Variants in ANKRD31 observed in about 807,000 individuals in gnomAD.
ANKRD31 encodes ankyrin repeat domain-containing protein 31.
In ANKRD31, 147 loss-of-function variants were observed where a neutral mutation model predicts 186.0. The ratio of observed to expected loss-of-function variants is 0.79; its 90% CI spans 0.69 to 0.91. ANKRD31 has a LOEUF of 0.91. Among genes scored for constraint, ANKRD31 ranks in the 40% least tolerant of loss-of-function variants. ANKRD31 has a pLI of 0.00. For synonymous variants in ANKRD31, 673 were observed against 736.4 expected (o/e 0.91, Z 1.39); for missense variants, 1,986 against 2,148.8 (o/e 0.92, Z 1.50).
At chr5:75,203,847 T>C (rs1052104803) in intron 5 of ANKRD31, among the ~76,000 whole-genome samples, 4 of 152,194 alleles carry the variant, frequency 2.6e-5, no homozygotes, top group Non-Finnish European at 5.9e-5. Flanking sequence ...AACATGACTC[T>C]TTTTGTTTAA....
rs532616902 is a variant in ANKRD31 at position 75,104,906 on chromosome 5, G to A, written c.4653C>T (p.Tyr1551=). Residue 1551 remains tyrosine, a synonymous_variant, in exon 22 of 26, where the codon TAC becomes TAT. Transcript: ENST00000506364. ...ETQLSLETWN[Y]SQNTNICLNS... is the part of the protein sequence containing the mutation. ...TTAGACAAATGTTGGTATTTTGGCT[G>A]TAGTTCCAAGTTTCCAGAGACAATT... 1.3e-6 allele frequency: 2 copies of A among 1,537,174 alleles called. No individual in the cohort carries two copies. Among genetic ancestry groups the A allele is most frequent in the African/African-American group, 2.7e-5 (2 of 73,152 alleles).
chr5:75,154,121 T>G, intron 12 of ANKRD31, 80 bp downstream of exon 12: 1 of 1,258,358 alleles, frequency 7.9e-7, no homozygotes, highest in South Asian at 2.5e-5. Context: ...AAAAATAAAT[T>G]TAATTTCTTT....
chr5:75,107,419 G>T, intron 21 of ANKRD31, 102 bp downstream of exon 21: 1 of 738,594 alleles, frequency 1.4e-6, no homozygotes, highest in Non-Finnish European at 2.2e-6. Context: ...TTGGCCCCAA[G>T]CAGTGTTTGT....
In ANKRD31 at chr5:75,104,454, CT is replaced by C. The variant is rs1290098477; in HGVS notation, c.5104del (p.Ser1702ValfsTer7). 2 of 1,537,244 alleles carry C rather than the reference CT, an allele frequency of 1.3e-6. No homozygotes were observed. Among genetic ancestry groups the C allele is most frequent in the Admixed American group, 3.9e-5 (2 of 51,000 alleles). On this transcript the variant is annotated frameshift_variant, in exon 22 of 26. Transcript: ENST00000506364. LOFTEE classifies it high-confidence loss of function. Reference sequence around the variant, plus strand: ...TGGTTTCATCTGATGCACTGTATCACTGCCTAAGACAGCAATCCCTTGATGT... The same window carrying C: ...TGGTTTCATCTGATGCACTGTATCACGCCTAAGACAGCAATCCCTTGATGT... ...LAHQGIAVLG[S>X]DTVHQMKPYL... is the part of the protein sequence containing the mutation.
rs1210769706 is a variant in ANKRD31, at chr5:75,147,279, T to C, written c.2132A>G (p.Lys711Arg). 34 of 1,535,896 alleles carry C rather than the reference T, an allele frequency of 2.2e-5. No homozygotes were observed. The highest frequency in any genetic ancestry group is 5.5e-5 in the African/African-American group (4 of 72,944). The change falls in exon 14 of 26, where the codon AAG becomes AGG. Residue 711 changes from lysine (K) to arginine (R), a missense_variant. Lys to Arg is a conservative substitution (Grantham distance 26). Coordinates refer to ENST00000506364, the MANE Select transcript of ANKRD31 (RefSeq NM_001372053.1). ...LDQIYSTGLR[K>R]GNLHNVKDPN... Reference sequence around the variant, plus strand: ...ATCTTTGACGTTATGGAGATTGCCCTTTCTGAGTCCTGTAGAGTATATCTG... The same window carrying C: ...ATCTTTGACGTTATGGAGATTGCCCCTTCTGAGTCCTGTAGAGTATATCTG...
chr5:75,087,485 C>A (rs1580297207), intron 23 of ANKRD31, among the ~76,000 whole-genome samples: 2 of 150,134 alleles, frequency 1.3e-5, no homozygotes, highest in African/African-American at 4.9e-5. Flanking sequence ...CCGGCCTGGG[C>A]AAGACAGCGA....
At chr5:75,112,694 G>T in intron 19 of ANKRD31, 94 bp from the exon 20 acceptor site, 1 of 750,722 alleles carries the variant, frequency 1.3e-6, no homozygotes, top group Non-Finnish European at 2.0e-6. Flanking sequence ...AAATACTAAA[G>T]AAAGTGTTCC....
In ANKRD31 at chr5:75,188,628, T is replaced by C. The variant is rs753388092; in HGVS notation, c.1429A>G (p.Ile477Val). Residue 477 changes from isoleucine (I) to valine (V), a missense_variant, in exon 10 of 26, where the codon ATA becomes GTA. By Grantham distance (29) the Ile-to-Val change is conservative. Coordinates refer to ENST00000506364, the MANE Select transcript of ANKRD31 (RefSeq NM_001372053.1). ...CTCCGGTTAATGCTATGAAGAGATA[T>C]TTTGTTCACCTTCATTTTTTCTGAA... ...GKKEKMKVNK[I>V]SLHSINRRNI... The C allele has an allele frequency of 9.8e-6, 15 of 1,529,864 alleles. No homozygotes were observed. In the South Asian group the frequency reaches 1.7e-4, roughly 17 times the overall value. The allele number at this position is 1,529,864 out of a possible 1,614,324, so 94.8% of individuals were successfully genotyped here.
intron 22 of ANKRD31, among the ~76,000 whole-genome samples, chr5:75,101,818 G>T (rs1466005932): frequency 6.6e-6 from 1 of 152,120 alleles, no homozygotes; most frequent in Non-Finnish European, 1.5e-5. Context: ...ATTCTAGTTA[G>T]CCATTTGTCT....
Position 75,195,729 on chromosome 5 carries a change from T to G in ANKRD31, c.919A>C (p.Arg307=). The G allele has an allele frequency of 6.5e-7, 1 of 1,537,596 alleles. No homozygotes were observed. The highest frequency in any genetic ancestry group is 1.2e-5 in the South Asian group (1 of 84,048). Residue 307 remains arginine (R), a synonymous_variant, in exon 7 of 26, where the codon AGA becomes CGA. Transcript: ENST00000506364. ...ATGAGACTGCTACCTCCCTCTTTTC[T>G]GTGACAGATGGTTTCCACCTTGGCT... is the stretch of plus-strand genomic sequence containing the variant. ...SEAKVETICH[R]KEGGSSLIAR...
At chr5:75,134,344 T>C (rs9996348) in intron 17 of ANKRD31, among the ~76,000 whole-genome samples, 50 of 152,052 alleles carry the variant, frequency 3.3e-4, no homozygotes, top group African/African-American at 1.2e-3. Flanking sequence ...CACCACCGAT[T>C]CCACAGAAAT....
chr5:75,124,761 C>G (rs576082222), intron 17 of ANKRD31, among the ~76,000 whole-genome samples: 1 of 150,050 alleles, frequency 6.7e-6, no homozygotes, highest in Admixed American at 6.6e-5. Context: ...AAGTAAGAGC[C>G]AAATAATGTG....
At chr5:75,083,457 G>A (rs1315466322) in intron 24 of ANKRD31, among the ~76,000 whole-genome samples, 2 of 152,148 alleles carry the variant, frequency 1.3e-5, no homozygotes, top group African/African-American at 4.8e-5. Context: ...GGCCAGGCAT[G>A]GTGGCTCACA....
rs961098 is a variant in ANKRD31 at position 75,104,561 on chromosome 5, G to A, written c.4998C>T (p.Asp1666=). 1 of 1,536,442 alleles carries A rather than the reference G, an allele frequency of 6.5e-7. No homozygotes were observed. Among genetic ancestry groups the A allele is most frequent in the East Asian group, 2.4e-5 (1 of 40,886 alleles). The part of the protein sequence containing the change: ...AHPSNIICDQ[D]LSNYDPKRGN... ...CTCTTTTGGGATCATAATTGGAAAG[G>A]TCCTGATCACAAATAATATTTGATG... Residue 1666 remains aspartate (D), a synonymous_variant, in exon 22 of 26, where the codon GAC becomes GAT. Coordinates refer to ENST00000506364, the MANE Select transcript of ANKRD31 (RefSeq NM_001372053.1).
intron 2 of ANKRD31, among the ~76,000 whole-genome samples, chr5:75,224,133 A>ATATATATATATATATATATATATATG (rs1561549932): frequency 3.3e-4 from 18 of 53,774 alleles, no homozygotes; most frequent in Non-Finnish European, 3.8e-4. Flanking sequence ...AAATAATTAT[A>ATATATATATATATATATATATATATG]TATATATATA....
At chr5:75,099,811 CTCT>C (rs1158364465) in intron 22 of ANKRD31, among the ~76,000 whole-genome samples, 1 of 151,382 alleles carries the variant, frequency 6.6e-6, no homozygotes, top group African/African-American at 2.4e-5. Flanking sequence ...GTCTATTTGA[CTCT>C]TCTTTTTTAT....
At chr5:75,214,741 T>G (rs1756862381) in intron 3 of ANKRD31, among the ~76,000 whole-genome samples, 1 of 152,174 alleles carries the variant, frequency 6.6e-6, no homozygotes, top group African/African-American at 2.4e-5. Context: ...AAAGTGAGAT[T>G]CAAGTTGTAT....
At chr5:75,118,678 G>T (rs1214330309) in intron 17 of ANKRD31, among the ~76,000 whole-genome samples, 1 of 152,092 alleles carries the variant, frequency 6.6e-6, no homozygotes, top group Non-Finnish European at 1.5e-5. Flanking sequence ...TTTGAAATGT[G>T]GCTAATGTGA....
intron 3 of ANKRD31, among the ~76,000 whole-genome samples, chr5:75,213,421 A>G (rs534205729): frequency 6.6e-6 from 1 of 152,280 alleles, no homozygotes; most frequent in East Asian, 1.9e-4. Context: ...AGGTAAATGC[A>G]AAAGGTAAGA....
Sources: allele counts gnomAD v4.1 joint callset (sites outside exome capture counted in the v4.1 genomes callset), GRCh38; gene constraint gnomAD v4.1.1; transcripts MANE v1.5; gene names NCBI Gene and HGNC (gene_info 2026-07-23, HGNC 2026-07-21).